Variants in FAM234B observed in about 807,000 individuals in gnomAD.
FAM234B encodes the protein protein FAM234B.
FAM234B carries 33 observed loss-of-function variants against 69.3 expected under a neutral mutation model. The observed-to-expected ratio is 0.48, with a 90% CI of 0.36 to 0.64. The LOEUF (loss-of-function observed/expected upper bound fraction) is 0.64. Among genes scored for constraint, FAM234B ranks in the 30% least tolerant of loss-of-function variants. The pLI is 0.00. For missense variants in FAM234B, 697 were observed against 769.7 expected (o/e 0.91, Z 1.12); for synonymous variants, 306 against 306.9 (o/e 1.00, Z 0.03).
chr12:13,048,288 G>C lies in FAM234B; in HGVS notation c.37+3848G>C, dbSNP rs1864833756. Among the ~76,000 whole-genome samples, 2 of 152,182 alleles carry C rather than the reference G, an allele frequency of 1.3e-5. 1 individual carries two copies. Among genetic ancestry groups the C allele is most frequent in the South Asian group, 4.1e-4 (2 of 4,838 alleles). On this transcript the variant is annotated intron_variant, in intron 1 of 12. Transcript: ENST00000197268. ...AAATCTTTGCCTGATTTTTGTTCCTGTCATTAGTGACTTGATTCTTTTTCC... is the reference window on the plus strand; with the variant it reads ...AAATCTTTGCCTGATTTTTGTTCCTCTCATTAGTGACTTGATTCTTTTTCC...
chr12:13,080,234 T>C (rs1449365722), intron 12 of FAM234B, among the ~76,000 whole-genome samples: 2 of 152,188 alleles, frequency 1.3e-5, no homozygotes, highest in African/African-American at 4.8e-5. Flanking sequence ...TTAGGGGACA[T>C]TTGACAATGT....
At chr12:13,075,096 G>A (rs1865145285) in intron 10 of FAM234B, among the ~76,000 whole-genome samples, 1 of 152,194 alleles carries the variant, frequency 6.6e-6, no homozygotes, top group Admixed American at 6.5e-5. Context: ...GTCCCAATGT[G>A]CATTTCTTCT....
chr12:13,048,708 G>T (rs1211167397), intron 1 of FAM234B, among the ~76,000 whole-genome samples: 2 of 152,096 alleles, frequency 1.3e-5, no homozygotes, highest in Non-Finnish European at 2.9e-5. Context: ...ATCACTTGCT[G>T]TTTATCTGTG....
At chr12:13,060,964 T>G (rs942753223) in intron 3 of FAM234B, among the ~76,000 whole-genome samples, 1 of 152,210 alleles carries the variant, frequency 6.6e-6, no homozygotes, top group Non-Finnish European at 1.5e-5. Context: ...TCCAGAGAAC[T>G]CTAGACTAGC....
chr12:13,080,174 A>G (rs1865208824), intron 12 of FAM234B, among the ~76,000 whole-genome samples, 165 bp downstream of exon 12: 1 of 152,186 alleles, frequency 6.6e-6, no homozygotes, highest in Admixed American at 6.5e-5. Flanking sequence ...CCTTCTGACC[A>G]TGAAGAAATG....
rs768425324 is a variant in FAM234B at position 13,079,945 on chromosome 12, A to G, written c.1799A>G (p.Lys600Arg). ...QMAQLQESTP[K>R]IGRGELRRFL... ...GCTCAGCTACAGGAGTCCACCCCCAAAATTGGCCGTGGGGAGCTGCGAAGA... is the reference window on the plus strand; with the variant it reads ...GCTCAGCTACAGGAGTCCACCCCCAGAATTGGCCGTGGGGAGCTGCGAAGA... Residue 600 changes from lysine (K) to arginine (R), a missense_variant, in exon 12 of 13, where the codon AAA becomes AGA. Physicochemically the swap from Lys to Arg is conservative, Grantham distance 26. Around this residue, in one of 3 missense-constraint regions of FAM234B, gnomAD observed 313 missense variants for 305.5 expected, o/e 1.02. Transcript: ENST00000197268. 3.1e-6 allele frequency: 5 copies of G among 1,613,592 alleles called. No homozygotes were observed. The highest frequency in any genetic ancestry group is 2.2e-5 in the East Asian group (1 of 44,868).
chr12:13,061,103 C>G (rs1305977740), intron 3 of FAM234B, among the ~76,000 whole-genome samples: 1 of 152,232 alleles, frequency 6.6e-6, no homozygotes, highest in Non-Finnish European at 1.5e-5. Context: ...CCGCGCTGCA[C>G]ACGTTCTGGA....
chr12:13,061,454 A>AT, intron 3 of FAM234B, 121 bp from the exon 4 acceptor site: 1 of 714,390 alleles, frequency 1.4e-6, no homozygotes. Context: ...AGGGAGCTGA[A>AT]TACACAAGTG....
Position 13,066,727 on chromosome 12 carries a change from C to A in FAM234B, c.940C>A (p.Leu314Met), listed in dbSNP as rs1160992159. Residue 314 changes from leucine (L) to methionine (M), a missense_variant, in exon 6 of 13, where the codon CTG becomes ATG. Leu to Met is a conservative substitution (Grantham distance 15). This residue lies in a region of FAM234B where 380 missense variants were observed against 447.1 expected (regional missense o/e 0.85). Transcript: ENST00000197268. Reference protein sequence around the residue: ...VKYNIVGVGNLIGPQVYITTN... With the variant: ...VKYNIVGVGNMIGPQVYITTN... ...GTACAACATCGTTGGAGTTGGGAAT[C>A]TGATTGGTCCTCAGGTTTACATCAC... is the stretch of plus-strand genomic sequence containing the variant. 1 of 1,614,058 alleles carries A rather than the reference C, an allele frequency of 6.2e-7. No homozygotes were observed. The highest frequency in any genetic ancestry group is 1.7e-5 in the Admixed American group (1 of 60,024).
intron 4 of FAM234B, 142 bp downstream of exon 4, chr12:13,061,905 A>G (rs1864987506): frequency 7.0e-6 from 5 of 709,860 alleles, no homozygotes; most frequent in Admixed American, 5.8e-5. Flanking sequence ...ATTAAGAGAA[A>G]TGAGAGAAAA....
intron 1 of FAM234B, among the ~76,000 whole-genome samples, chr12:13,048,839 A>G (rs143578303): frequency 0.018 from 2,703 of 152,330 alleles, 83 homozygotes; most frequent in African/African-American, 0.061. Context: ...CCTCACAATC[A>G]TGGTGGAAGG....
chr12:13,071,459 A>C (rs1393535995), intron 10 of FAM234B, 63 bp downstream of exon 10: 4 of 1,459,242 alleles, frequency 2.7e-6, no homozygotes, highest in Admixed American at 1.7e-5. Context: ...TGCAGGGCTG[A>C]CTGTGTTCTG....
At chr12:13,056,150 G>A (rs905821195) in intron 2 of FAM234B, among the ~76,000 whole-genome samples, 1 of 152,208 alleles carries the variant, frequency 6.6e-6, no homozygotes, top group Non-Finnish European at 1.5e-5. Context: ...TTGCTCTGTT[G>A]TGTCTGTTGG....
chr12:13,078,537 A>C (rs1158285365), intron 11 of FAM234B, among the ~76,000 whole-genome samples: 1 of 152,238 alleles, frequency 6.6e-6, no homozygotes, highest in Non-Finnish European at 1.5e-5. Flanking sequence ...AGTTCTGGCT[A>C]GGGCAGTTAG....
chr12:13,047,585 T>C (rs915632769), intron 1 of FAM234B, among the ~76,000 whole-genome samples: 6 of 152,230 alleles, frequency 3.9e-5, no homozygotes, highest in Non-Finnish European at 4.4e-5. Context: ...TCTCTACCAT[T>C]TTGGAAATCC....
At chr12:13,066,259 AACTCT>A (rs1479967708) in intron 5 of FAM234B, among the ~76,000 whole-genome samples, 1 of 152,210 alleles carries the variant, frequency 6.6e-6, no homozygotes. Flanking sequence ...TGCCTCGATT[AACTCT>A]AGCTGGAACC....
chr12:13,080,915 G>A lies in FAM234B; in HGVS notation c.*285G>A, dbSNP rs1865218615. ...ATCTCTTAAGTATTTAATTTTTTTGGTATGTCTAATTTATGAAGTCTTGCT... is the reference window on the plus strand; with the variant it reads ...ATCTCTTAAGTATTTAATTTTTTTGATATGTCTAATTTATGAAGTCTTGCT... On this transcript the variant is annotated 3_prime_UTR_variant, in exon 13 of 13. Transcript: ENST00000197268. 1 of 354,922 alleles carries A rather than the reference G, an allele frequency of 2.8e-6. No individual in the cohort carries two copies. The highest frequency in any genetic ancestry group is 2.1e-5 in the African/African-American group (1 of 47,512). The allele number at this position is 354,922 out of a possible 1,614,324, so 22.0% of individuals were successfully genotyped here.
intron 4 of FAM234B, 90 bp downstream of exon 4, chr12:13,061,853 T>C: frequency 9.3e-7 from 1 of 1,074,436 alleles, no homozygotes; most frequent in Non-Finnish European, 1.4e-6. Context: ...CTTTTGACTC[T>C]CACGTGGTGG....
In FAM234B at chr12:13,067,569, T is replaced by C. The variant is rs1275713595; in HGVS notation, c.1142+273T>C. On this transcript the variant is annotated intron_variant, in intron 7 of 12. Coordinates refer to ENST00000197268, the MANE Select transcript of FAM234B (RefSeq NM_020853.2). This position sits in a 1 kb window ranked among gnomAD's most constrained non-coding sequence, Gnocchi z 4.7. ...GGATACTTAGGGCTCTGAGTCAGAG[T>C]AGGGAGGGAGATAGACTTATCTAAC... 5.9e-5 allele frequency among the ~76,000 whole-genome samples: 9 copies of C among 152,086 alleles called. No homozygotes were observed. Among genetic ancestry groups the C allele is most frequent in the African/African-American group, 1.9e-4 (8 of 41,404 alleles).
Sources: allele counts gnomAD v4.1 joint callset (sites outside exome capture counted in the v4.1 genomes callset), GRCh38; gene constraint gnomAD v4.1.1; regional missense constraint gnomAD v4.1.1; non-coding constraint Gnocchi (gnomAD v3.1); transcripts MANE v1.5; gene names NCBI Gene and HGNC (gene_info 2026-07-23, HGNC 2026-07-21).